MEIKIN: variants seen among roughly 807,000 people sequenced by gnomAD.
MEIKIN encodes the protein meiotic kinetochore factor.
At chr5:131,913,065 C>G (rs903897235) in intron 7 of MEIKIN, among the ~76,000 whole-genome samples, 1 of 152,166 alleles carries the variant, frequency 6.6e-6, no homozygotes, top group African/African-American at 2.4e-5. Flanking sequence ...GACACATAAT[C>G]AAATGTGGAC....
chr5:131,850,251 T>C (rs1336767962), intron 11 of MEIKIN, among the ~76,000 whole-genome samples: 1 of 152,156 alleles, frequency 6.6e-6, no homozygotes, highest in Admixed American at 6.5e-5. Flanking sequence ...TAAGATGCCA[T>C]TACTACCTAG....
intron 10 of MEIKIN, among the ~76,000 whole-genome samples, chr5:131,854,133 ATACAT>A (rs1283045565): frequency 1.3e-5 from 2 of 152,364 alleles, no homozygotes; most frequent in African/African-American, 4.8e-5. Context: ...AATGTGTCAT[ATACAT>A]ACAATGGAGT....
intron 8 of MEIKIN, among the ~76,000 whole-genome samples, chr5:131,898,431 T>G (rs1192421511): frequency 6.6e-6 from 1 of 152,218 alleles, no homozygotes; most frequent in African/African-American, 2.4e-5. Flanking sequence ...TCAAACGCTG[T>G]GCTGGGAGAA....
At position 131,863,893 on chromosome 5, in the gene MEIKIN, C is replaced by T. The variant is rs577689097; in HGVS notation, c.775-9059G>A. Among the ~76,000 whole-genome samples the T allele has an allele frequency of 2.6e-5, 4 of 152,244 alleles. No homozygotes were observed. The South Asian group carries it at 6.2e-4, about 24-fold the overall frequency. ...TCTGCCTGCCACCACCCATGTAAGA[C>T]GTGACTTGCTCCTCCTCGCCTTCTG... On this transcript the variant is annotated intron_variant, in intron 9 of 12. Coordinates refer to ENST00000442687, the MANE Select transcript of MEIKIN (RefSeq NM_001303622.2).
chr5:131,936,224 A>T (rs1242541203), intron 4 of MEIKIN, among the ~76,000 whole-genome samples: 1 of 152,242 alleles, frequency 6.6e-6, no homozygotes, highest in Non-Finnish European at 1.5e-5. Flanking sequence ...AAATGCAATT[A>T]AAAAACATAT....
intron 10 of MEIKIN, among the ~76,000 whole-genome samples, chr5:131,854,292 T>C (rs1750160588): frequency 1.3e-5 from 2 of 152,090 alleles, no homozygotes; most frequent in East Asian, 3.9e-4. Context: ...GTAGTCAAAT[T>C]TATAGAAACA....
At chr5:131,835,712 G>A (rs560502025) in intron 11 of MEIKIN, among the ~76,000 whole-genome samples, 76 of 152,278 alleles carry the variant, frequency 5.0e-4, no homozygotes, top group Non-Finnish European at 9.0e-4. Flanking sequence ...TCCTGCCTCA[G>A]CCTCCTGAGT....
At chr5:131,914,703 C>T (rs80111160) in intron 7 of MEIKIN, among the ~76,000 whole-genome samples, 1,705 of 151,882 alleles carry the variant, frequency 0.011, 45 homozygotes, top group African/African-American at 0.038. Flanking sequence ...CTAAGACAAC[C>T]ATATGATACA....
chr5:131,861,519 A>G (rs1750285684), intron 9 of MEIKIN, among the ~76,000 whole-genome samples: 1 of 152,102 alleles, frequency 6.6e-6, no homozygotes, highest in Non-Finnish European at 1.5e-5. Context: ...GAAGGTGGGC[A>G]TTCTTGTCTT....
intron 8 of MEIKIN, among the ~76,000 whole-genome samples, chr5:131,891,951 A>G (rs1219508386): frequency 1.3e-5 from 2 of 151,978 alleles, no homozygotes; most frequent in Admixed American, 6.5e-5. Context: ...TCTGTAAAGG[A>G]TTTTATTTCT....
intron 8 of MEIKIN, among the ~76,000 whole-genome samples, chr5:131,900,698 T>C (rs1274213575): frequency 6.6e-6 from 1 of 152,082 alleles, no homozygotes; most frequent in Non-Finnish European, 1.5e-5. Flanking sequence ...TGGTCACCTC[T>C]TGGTTGGCCT....
At chr5:131,847,550 T>G (rs1473876168) in intron 11 of MEIKIN, among the ~76,000 whole-genome samples, 1 of 151,994 alleles carries the variant, frequency 6.6e-6, no homozygotes, top group African/African-American at 2.4e-5. Flanking sequence ...AAGTAAAAAC[T>G]GACAGAACTG....
chr5:131,905,413 CA>C, intron 8 of MEIKIN, among the ~76,000 whole-genome samples: 1 of 151,874 alleles, frequency 6.6e-6, no homozygotes, highest in South Asian at 2.1e-4. Flanking sequence ...AAATCAACCC[CA>C]AAGCTACCAG....
At chr5:131,871,774 CAGCCGGGT>C (rs1404686519) in intron 9 of MEIKIN, among the ~76,000 whole-genome samples, 3 of 152,116 alleles carry the variant, frequency 2.0e-5, no homozygotes, top group African/African-American at 7.2e-5. Flanking sequence ...ACACCTCACA[CAGCCGGGT>C]ACTCCTCTGA....
intron 8 of MEIKIN, among the ~76,000 whole-genome samples, chr5:131,889,972 T>C (rs1750878417): frequency 2.0e-5 from 3 of 152,238 alleles, no homozygotes; most frequent in Admixed American, 2.0e-4. Context: ...GAGATCATCA[T>C]GTGGTTTTTG....
intron 11 of MEIKIN, among the ~76,000 whole-genome samples, chr5:131,837,154 A>C (rs1344839904): frequency 6.6e-6 from 1 of 151,966 alleles, no homozygotes; most frequent in Non-Finnish European, 1.5e-5. Flanking sequence ...TGCTTTTCTC[A>C]GCTTTGTCCA....
intron 9 of MEIKIN, among the ~76,000 whole-genome samples, chr5:131,862,982 A>G (rs534190020): frequency 1.3e-5 from 2 of 152,326 alleles, no homozygotes; most frequent in South Asian, 4.1e-4. Context: ...TACAAGCATG[A>G]GCCACTGTTC....
chr5:131,896,466 A>T (rs1751053265), intron 8 of MEIKIN, among the ~76,000 whole-genome samples: 1 of 151,860 alleles, frequency 6.6e-6, no homozygotes, highest in Non-Finnish European at 1.5e-5. Context: ...CACTGATCTA[A>T]TATTGACAGT....
At chr5:131,908,649 C>G (rs935836370) in intron 8 of MEIKIN, among the ~76,000 whole-genome samples, 63 of 152,188 alleles carry the variant, frequency 4.1e-4, no homozygotes, top group Non-Finnish European at 7.9e-4. Context: ...TCTTTGTTTG[C>G]AGATGACATG....
Sources: gnomAD v4.1 joint callset for allele counts (sites outside exome capture counted in the v4.1 genomes callset) on GRCh38, gnomAD v4.1.1 for gene constraint, MANE v1.5 for transcripts, NCBI Gene and HGNC (gene_info 2026-07-23, HGNC 2026-07-21) for gene names.